The following GRAMD1B variants were observed in gnomAD, a reference collection of about 807,000 sequenced individuals.
GRAMD1B encodes the protein GRAM domain containing 1B.
A neutral mutation model predicts 99.7 loss-of-function variants in GRAMD1B; 37 were observed. That is an observed-to-expected ratio of 0.37 (90% confidence interval 0.29 to 0.49). GRAMD1B has a LOEUF of 0.49. Ranked by LOEUF, GRAMD1B falls within the 20% of genes least tolerant of loss-of-function variation. GRAMD1B has a pLI of 0.98. For synonymous variants in GRAMD1B, 427 were observed against 387.6 expected (o/e 1.10, Z -1.19); for missense variants, 888 against 1,009.2 (o/e 0.88, Z 1.63).
chr11:123,485,715 C>CTT (rs373956363), intron 2 of GRAMD1B, among the ~76,000 whole-genome samples: 15 of 132,478 alleles, frequency 1.1e-4, no homozygotes, highest in African/African-American at 2.8e-4. Context: ...TTAATTCATT[C>CTT]TTTTTTTTTT....
intron 8 of GRAMD1B, among the ~76,000 whole-genome samples, chr11:123,601,987 G>C (rs1203773743): frequency 6.6e-6 from 1 of 152,238 alleles, no homozygotes; most frequent in Non-Finnish European, 1.5e-5. Context: ...GAGCAGGGCA[G>C]TATATGGTTT....
chr11:123,572,306 A>T (rs2136162842), intron 2 of GRAMD1B, among the ~76,000 whole-genome samples: 1 of 152,316 alleles, frequency 6.6e-6, no homozygotes, highest in East Asian at 1.9e-4. Flanking sequence ...TTAGCTCTTA[A>T]ATCCCAAGAT....
intron 1 of GRAMD1B, among the ~76,000 whole-genome samples, chr11:123,444,995 G>A (rs1359726837): frequency 1.3e-5 from 2 of 152,054 alleles, no homozygotes; most frequent in Non-Finnish European, 2.9e-5. Context: ...ATTATCTATG[G>A]GGCTCATTAC....
intron 1 of GRAMD1B, chr11:123,459,119 T>C (rs1591591502): frequency 6.6e-6 from 1 of 152,136 alleles, no homozygotes; most frequent in South Asian, 2.1e-4. Context: ...ATGCACTGCA[T>C]TGTAGATGGG....
At chr11:123,435,576 G>A (rs1026090755) in intron 1 of GRAMD1B, 1 of 652,272 alleles carries the variant, frequency 1.5e-6, no homozygotes, top group African/African-American at 1.8e-5. Flanking sequence ...AGTGTTCACT[G>A]GAATACTCCA....
chr11:123,424,272 A>AG (rs2136052119), intron 1 of GRAMD1B, among the ~76,000 whole-genome samples: 2 of 150,332 alleles, frequency 1.3e-5, no homozygotes, highest in South Asian at 4.2e-4. Flanking sequence ...AAAAAAAAAG[A>AG]AAAAAGAAAA....
chr11:123,618,487 C>T, intron 17 of GRAMD1B: 2 of 870,794 alleles, frequency 2.3e-6, no homozygotes, highest in South Asian at 2.7e-5. Context: ...CCATGCCCCT[C>T]TCCATGGCTC....
At chr11:123,592,889 C>T (rs180696973) in intron 4 of GRAMD1B, among the ~76,000 whole-genome samples, 1 of 152,016 alleles carries the variant, frequency 6.6e-6, no homozygotes, top group East Asian at 1.9e-4. Flanking sequence ...TTTGTGGGCA[C>T]GTATTTTCTT....
chr11:123,529,384 A>G (rs1282567787), intron 2 of GRAMD1B, among the ~76,000 whole-genome samples: 1 of 152,212 alleles, frequency 6.6e-6, no homozygotes, highest in African/African-American at 2.4e-5. Context: ...ATCACTGAGG[A>G]TGCTTTTGGA....
At chr11:123,586,648 C>T (rs1280137506) in intron 4 of GRAMD1B, among the ~76,000 whole-genome samples, 2 of 152,190 alleles carry the variant, frequency 1.3e-5, no homozygotes, top group Non-Finnish European at 2.9e-5. Flanking sequence ...AGCTCCTCTC[C>T]GCAGCACCCC....
intron 1 of GRAMD1B, among the ~76,000 whole-genome samples, chr11:123,383,525 T>A (rs2032625454): frequency 6.6e-6 from 1 of 152,170 alleles, no homozygotes; most frequent in Admixed American, 6.5e-5. Flanking sequence ...CCCAGTATAG[T>A]GGTTCATTCA....
intron 1 of GRAMD1B, among the ~76,000 whole-genome samples, chr11:123,421,732 T>A (rs1948443897): frequency 6.6e-6 from 1 of 152,156 alleles, no homozygotes; most frequent in African/African-American, 2.4e-5. Flanking sequence ...GCATAGAAAA[T>A]GAAGTTGTTT....
At chr11:123,472,264 T>C (rs1325783965) in intron 1 of GRAMD1B, among the ~76,000 whole-genome samples, 1 of 150,668 alleles carries the variant, frequency 6.6e-6, no homozygotes, top group African/African-American at 2.4e-5. Context: ...AAGAAAGAAG[T>C]GGAGAGAGAG....
intron 8 of GRAMD1B, among the ~76,000 whole-genome samples, chr11:123,602,951 AG>A (rs1398754724): frequency 6.6e-6 from 1 of 152,186 alleles, no homozygotes; most frequent in African/African-American, 2.4e-5. Context: ...GTGATCCAGT[AG>A]GGTCTGTAAG....
chr11:123,456,881 C>T (rs111271941), intron 1 of GRAMD1B, among the ~76,000 whole-genome samples: 7,618 of 141,806 alleles, frequency 0.054, 599 homozygotes, highest in African/African-American at 0.17. Context: ...GATGGCGCCA[C>T]TGTACTCCAG....
intron 12 of GRAMD1B, 136 bp downstream of exon 12, chr11:123,608,938 A>T: frequency 1.5e-6 from 1 of 662,072 alleles, no homozygotes; most frequent in Non-Finnish European, 2.6e-6. Context: ...GGGCCCAGAC[A>T]CCCTCTCTCC....
intron 2 of GRAMD1B, among the ~76,000 whole-genome samples, chr11:123,493,436 C>G (rs1938843362): frequency 6.6e-6 from 1 of 152,126 alleles, no homozygotes; most frequent in Non-Finnish European, 1.5e-5. Flanking sequence ...GGTTTGCAAA[C>G]TTATTAAGGG....
intron 1 of GRAMD1B, among the ~76,000 whole-genome samples, chr11:123,403,350 A>C (rs371145999): frequency 4.8e-4 from 72 of 151,256 alleles, no homozygotes; most frequent in African/African-American, 1.5e-3. Flanking sequence ...TTGTTTGAAC[A>C]CAGGAGATGG....
intron 2 of GRAMD1B, among the ~76,000 whole-genome samples, chr11:123,569,111 G>A (rs973926780): frequency 3.2e-5 from 3 of 92,900 alleles, no homozygotes; most frequent in Non-Finnish European, 6.3e-5. Context: ...GTGGACAGTC[G>A]TGTCATCTCT....
Sources: allele counts gnomAD v4.1 joint callset (sites outside exome capture counted in the v4.1 genomes callset), GRCh38; gene constraint gnomAD v4.1.1; transcripts MANE v1.5; gene names NCBI Gene and HGNC (gene_info 2026-07-23, HGNC 2026-07-21).